Variants in NBEA observed in about 807,000 individuals in gnomAD.
The protein encoded by NBEA is neurobeachin, also known as lysosomal-trafficking regulator 2.
A neutral mutation model predicts 343.4 loss-of-function variants in NBEA; 44 were observed. The observed-to-expected ratio is 0.13, with a 90% CI of 0.10 to 0.16. NBEA has a LOEUF of 0.16. Ranked by LOEUF, NBEA falls within the 10% of genes least tolerant of loss-of-function variation. NBEA has a pLI of 1.00. For missense variants in NBEA, 2,555 were observed against 3,631.3 expected (o/e 0.70, Z 7.62); for synonymous variants, 1,175 against 1,238.7 (o/e 0.95, Z 1.08).
At chr13:34,964,918 G>A (rs1475022024) in intron 1 of NBEA, among the ~76,000 whole-genome samples, 4 of 151,988 alleles carry the variant, frequency 2.6e-5, no homozygotes, top group East Asian at 1.9e-4. Flanking sequence ...GCTCCATAGC[G>A]GTGCCTAGAG....
chr13:34,977,980 T>A (rs1314839388), intron 1 of NBEA, among the ~76,000 whole-genome samples: 16 of 150,880 alleles, frequency 1.1e-4, no homozygotes, highest in Admixed American at 4.6e-4. Flanking sequence ...ATTAAAAAAA[T>A]TTTTTTTTTA....
chr13:35,139,173 A>T lies in NBEA; in HGVS notation c.2337-3096A>T, dbSNP rs183933735. Among the ~76,000 whole-genome samples the T allele has an allele frequency of 2.9e-3, 406 of 139,038 alleles. 5 individuals carry two copies. The highest frequency in any genetic ancestry group is 8.8e-4 in the Non-Finnish European group (58 of 65,972). The allele number at this position is 139,038 out of a possible 152,430, so 91.2% of individuals were successfully genotyped here. A position where few individuals can be genotyped will look rare whatever the true frequency, so the allele number is the denominator to read the frequency against. ...CCTCCCATGCTCAATTGACTCTCCC[A>T]CCTCAGCCTCCCAAGTAGCTGGGAC... On this transcript the variant is annotated intron_variant, in intron 17 of 58. Coordinates refer to ENST00000379939, the MANE Select transcript of NBEA (RefSeq NM_001385012.1).
At chr13:35,474,897 G>GT in intron 41 of NBEA, 16 of 887,094 alleles carry the variant, frequency 1.8e-5, no homozygotes, top group Non-Finnish European at 2.7e-5. Context: ...TTCTCCCCTT[G>GT]TGGGGGTGGG....
chr13:35,090,658 G>T (rs1047301881), intron 10 of NBEA, among the ~76,000 whole-genome samples: 2 of 151,924 alleles, frequency 1.3e-5, no homozygotes, highest in African/African-American at 2.4e-5. Context: ...AGATCAAGAT[G>T]TGGGGACTCA....
intron 28 of NBEA, among the ~76,000 whole-genome samples, chr13:35,177,515 G>C (rs2070993297): frequency 6.6e-6 from 1 of 151,696 alleles, no homozygotes; most frequent in Non-Finnish European, 1.5e-5. Flanking sequence ...TGGAGGAGGG[G>C]CAATTAAAGA....
At chr13:35,427,355 A>G (rs2044756484) in intron 38 of NBEA, among the ~76,000 whole-genome samples, 1 of 152,188 alleles carries the variant, frequency 6.6e-6, no homozygotes, top group Admixed American at 6.5e-5. Context: ...TCTAACAGAC[A>G]GGACCCTCAG....
intron 16 of NBEA, among the ~76,000 whole-genome samples, chr13:35,120,202 A>G (rs2066720579): frequency 1.3e-5 from 2 of 152,290 alleles, no homozygotes; most frequent in Middle Eastern, 6.8e-3. Context: ...CGGAAATATG[A>G]TCCTACAATT....
intron 47 of NBEA, among the ~76,000 whole-genome samples, chr13:35,606,084 T>A (rs1352012064): frequency 2.6e-5 from 4 of 152,154 alleles, no homozygotes; most frequent in Admixed American, 6.5e-5. Flanking sequence ...CATAGACTTG[T>A]TTATATAGCT....
At chr13:35,404,085 A>G (rs1012736897) in intron 38 of NBEA, among the ~76,000 whole-genome samples, 32 of 152,222 alleles carry the variant, frequency 2.1e-4, no homozygotes, top group African/African-American at 7.5e-4. Context: ...GGCGATCATT[A>G]AATCAAGTCA....
chr13:35,191,194 A>G lies in NBEA; in HGVS notation c.4928-4670A>G, dbSNP rs1048379698. On this transcript the variant is annotated intron_variant, in intron 30 of 58. Transcript: ENST00000379939. ...AACATATGTATACTGGGAGTCCCAGAGGAAAGAAGAGAAAAAGAAAGGAGC... is the reference window on the plus strand; with the variant it reads ...AACATATGTATACTGGGAGTCCCAGGGGAAAGAAGAGAAAAAGAAAGGAGC... Among the ~76,000 whole-genome samples the G allele has an allele frequency of 1.1e-4, 17 of 152,250 alleles. No individual in the cohort carries two copies. In the East Asian group the frequency reaches 2.5e-3, roughly 22 times the overall value.
chr13:35,335,381 ATG>A (rs1478851813), intron 36 of NBEA, among the ~76,000 whole-genome samples: 1 of 152,082 alleles, frequency 6.6e-6, no homozygotes, highest in Non-Finnish European at 1.5e-5. Flanking sequence ...TCTGTGAAGA[ATG>A]TCATTGGTAT....
chr13:35,508,145 G>A (rs756533997), intron 41 of NBEA, among the ~76,000 whole-genome samples: 2 of 152,118 alleles, frequency 1.3e-5, no homozygotes, highest in Admixed American at 6.5e-5. Context: ...TGGTAGAAAC[G>A]GTAGTAGAAT....
chr13:35,420,875 T>C (rs1478414410), intron 38 of NBEA, among the ~76,000 whole-genome samples: 1 of 152,014 alleles, frequency 6.6e-6, no homozygotes, highest in Non-Finnish European at 1.5e-5. Flanking sequence ...GTAATTTGTG[T>C]CTACTCTTTT....
intron 35 of NBEA, among the ~76,000 whole-genome samples, chr13:35,294,028 T>C (rs1481802775): frequency 6.6e-6 from 1 of 152,076 alleles, no homozygotes; most frequent in African/African-American, 2.4e-5. Context: ...GCTAAAGATG[T>C]ATAAGTAATA....
intron 41 of NBEA, among the ~76,000 whole-genome samples, chr13:35,509,175 C>A (rs528541131): frequency 6.6e-6 from 1 of 152,210 alleles, no homozygotes; most frequent in Non-Finnish European, 1.5e-5. Context: ...CCTTGTGGTT[C>A]CCCCTTGCAT....
intron 31 of NBEA, among the ~76,000 whole-genome samples, chr13:35,207,598 A>ACTGACT (rs1365843276): frequency 2.6e-5 from 4 of 152,136 alleles, no homozygotes; most frequent in Non-Finnish European, 5.9e-5. Context: ...ATTTTTAAAA[A>ACTGACT]CTGACTAATA....
intron 47 of NBEA, among the ~76,000 whole-genome samples, chr13:35,603,679 G>A (rs1459399812): frequency 2.0e-5 from 3 of 152,126 alleles, no homozygotes; most frequent in Non-Finnish European, 4.4e-5. Context: ...CTGTAGCCTC[G>A]TTGTAGAGAT....
chr13:35,587,579 G>C (rs1366630660), intron 46 of NBEA, among the ~76,000 whole-genome samples: 1 of 152,106 alleles, frequency 6.6e-6, no homozygotes, highest in African/African-American at 2.4e-5. Flanking sequence ...AATTAAATGA[G>C]AGTATATATA....
At chr13:35,166,932 C>CT (rs1421650502) in intron 24 of NBEA, among the ~76,000 whole-genome samples, 8 of 151,942 alleles carry the variant, frequency 5.3e-5, no homozygotes, top group Non-Finnish European at 1.5e-5. Context: ...GTGAAGATTA[C>CT]TGAAAGGAAA....
Sources: gnomAD v4.1 joint callset for allele counts (sites outside exome capture counted in the v4.1 genomes callset) on GRCh38, gnomAD v4.1.1 for gene constraint, MANE v1.5 for transcripts, NCBI Gene and HGNC (gene_info 2026-07-23, HGNC 2026-07-21) for gene names.